The following DNAJC6 variants were observed in gnomAD, a reference collection of about 807,000 sequenced individuals.
The protein encoded by DNAJC6 is auxilin.
A neutral mutation model predicts 110.0 loss-of-function variants in DNAJC6; 34 were observed. That is an observed-to-expected ratio of 0.31 (90% confidence interval 0.24 to 0.41). DNAJC6 has a LOEUF of 0.41. DNAJC6 is among the 10% of genes least tolerant of loss of function. The pLI is 1.00. For missense variants in DNAJC6, 1,031 were observed against 1,207.8 expected (o/e 0.85, Z 2.17); for synonymous variants, 406 against 437.2 (o/e 0.93, Z 0.89).
intron 4 of DNAJC6, among the ~76,000 whole-genome samples, chr1:65,371,692 A>G (rs1220288701): frequency 2.0e-5 from 3 of 152,186 alleles, no homozygotes; most frequent in Non-Finnish European, 1.5e-5. Context: ...ATCCAGCTCT[A>G]GCGATGATTT....
chr1:65,351,351 G>A (rs1645488310), intron 1 of DNAJC6, among the ~76,000 whole-genome samples: 1 of 152,100 alleles, frequency 6.6e-6, no homozygotes, highest in East Asian at 1.9e-4. Flanking sequence ...GGTTGGAAGT[G>A]GAAATCAGGA....
intron 9 of DNAJC6, among the ~76,000 whole-genome samples, chr1:65,388,802 G>A (rs184552872): frequency 2.6e-5 from 4 of 152,310 alleles, no homozygotes; most frequent in Admixed American, 2.0e-4. Context: ...CTATAGCACT[G>A]AAGCAGGCTT....
intron 14 of DNAJC6, among the ~76,000 whole-genome samples, chr1:65,400,148 C>A (rs1646016960): frequency 6.6e-6 from 1 of 152,122 alleles, no homozygotes; most frequent in African/African-American, 2.4e-5. Context: ...CCACTGCACT[C>A]CAGCCTCGGT....
intron 1 of DNAJC6, among the ~76,000 whole-genome samples, chr1:65,299,996 C>T (rs1032512417): frequency 2.7e-5 from 4 of 146,322 alleles, no homozygotes; most frequent in South Asian, 2.2e-4. Context: ...GTCAAGATTG[C>T]GCCACTGCAC....
intron 1 of DNAJC6, among the ~76,000 whole-genome samples, chr1:65,314,001 A>G (rs1645126142): frequency 6.6e-6 from 1 of 152,224 alleles, no homozygotes; most frequent in South Asian, 2.1e-4. Flanking sequence ...GTGTTCCAAT[A>G]TTGGGCTTAA....
chr1:65,346,949 C>T (rs1645442453), intron 1 of DNAJC6, among the ~76,000 whole-genome samples: 1 of 152,126 alleles, frequency 6.6e-6, no homozygotes. Context: ...CAGACATACA[C>T]AGGCTGGAAA....
chr1:65,379,345 T>C, intron 4 of DNAJC6, 57 bp from the exon 5 acceptor site: 1 of 1,605,042 alleles, frequency 6.2e-7, no homozygotes, highest in African/African-American at 1.3e-5. Flanking sequence ...TGTGATAACC[T>C]GCTTATGAAG....
chr1:65,322,734 C>T (rs1645208297), intron 1 of DNAJC6, among the ~76,000 whole-genome samples: 1 of 152,176 alleles, frequency 6.6e-6, no homozygotes, highest in Non-Finnish European at 1.5e-5. Flanking sequence ...ATGAGACTAC[C>T]TGTTTTCCCA....
At chr1:65,405,831 C>T in intron 15 of DNAJC6, 39 bp from the exon 16 acceptor site, 1 of 1,549,612 alleles carries the variant, frequency 6.5e-7, no homozygotes, top group Non-Finnish European at 8.7e-7. Context: ...AGAGGCCACT[C>T]AAAATAGTTT....
chr1:65,291,374 T>G (rs568300807), intron 1 of DNAJC6, among the ~76,000 whole-genome samples: 2 of 152,344 alleles, frequency 1.3e-5, no homozygotes, highest in East Asian at 3.9e-4. Flanking sequence ...ATATTCATCA[T>G]GTGAAATTCT....
rs572657273 is a variant in DNAJC6 at position 65,350,526 on chromosome 1, A to G, written c.194-14109A>G. On this transcript the variant is annotated intron_variant, in intron 1 of 18. Transcript: ENST00000371069. ...ACTGCTCCTTTATATCTGTAGTTTTATTGTATGATAAACATTGTGATGATA... is the reference window on the plus strand; with the variant it reads ...ACTGCTCCTTTATATCTGTAGTTTTGTTGTATGATAAACATTGTGATGATA... 2.6e-5 allele frequency among the ~76,000 whole-genome samples: 4 copies of G among 152,166 alleles called. No homozygotes were observed. The South Asian group carries it at 8.3e-4, about 32-fold the overall frequency.
chr1:65,373,020 T>G (rs936956100), intron 4 of DNAJC6, among the ~76,000 whole-genome samples: 2 of 152,168 alleles, frequency 1.3e-5, no homozygotes, highest in Admixed American at 1.3e-4. Flanking sequence ...CTTCATGAGA[T>G]CCACATTTTT....
chr1:65,274,994 A>G (rs1653622292), intron 1 of DNAJC6, among the ~76,000 whole-genome samples: 2 of 152,224 alleles, frequency 1.3e-5, no homozygotes, highest in Admixed American at 6.5e-5. Flanking sequence ...TTAGGCGCTT[A>G]GAAGACTTTA....
intron 1 of DNAJC6, among the ~76,000 whole-genome samples, chr1:65,292,338 T>G (rs540089816): frequency 4.1e-4 from 63 of 151,880 alleles, no homozygotes; most frequent in African/African-American, 1.5e-3. Context: ...TTTTTGTTTT[T>G]TTTTTTTAAT....
chr1:65,391,566 G>A (rs190893096), intron 11 of DNAJC6, among the ~76,000 whole-genome samples: 37 of 152,220 alleles, frequency 2.4e-4, no homozygotes, highest in Middle Eastern at 3.4e-3. Flanking sequence ...TGTTAGAGAA[G>A]GGATTTGCTT....
chr1:65,415,482 A>C lies in DNAJC6; in HGVS notation c.*2457A>C, dbSNP rs1174314420. 4 of 151,670 alleles carry C rather than the reference A, an allele frequency of 2.6e-5. No individual in the cohort carries two copies. Among genetic ancestry groups the C allele is most frequent in the African/African-American group, 9.7e-5 (4 of 41,128 alleles). 9.4% of individuals were successfully genotyped at this position (151,670 alleles called of 1,614,324 possible). ...CACACACACACACACACACACACAC[A>C]CACATGCACGCACACATGATTTTGA... On this transcript the variant is annotated 3_prime_UTR_variant, in exon 19 of 19. Coordinates refer to ENST00000371069, the MANE Select transcript of DNAJC6 (RefSeq NM_001256864.2).
intron 4 of DNAJC6, among the ~76,000 whole-genome samples, chr1:65,376,206 G>T (rs1393845221): frequency 6.6e-6 from 1 of 151,978 alleles, no homozygotes; most frequent in Non-Finnish European, 1.5e-5. Context: ...TCTCTTATGA[G>T]TCTTTGTATT....
chr1:65,406,738 A>G (rs1646080654), intron 16 of DNAJC6, among the ~76,000 whole-genome samples: 1 of 152,164 alleles, frequency 6.6e-6, no homozygotes, highest in African/African-American at 2.4e-5. Context: ...GGATCTTGAC[A>G]ATGAATGAAA....
chr1:65,278,486 A>G (rs1222772678), intron 1 of DNAJC6, among the ~76,000 whole-genome samples: 1 of 152,230 alleles, frequency 6.6e-6, no homozygotes, highest in Non-Finnish European at 1.5e-5. Flanking sequence ...TGACTCTAGT[A>G]CTTGAAAATG....
Sources: gnomAD v4.1 joint callset for allele counts (sites outside exome capture counted in the v4.1 genomes callset) on GRCh38, gnomAD v4.1.1 for gene constraint, MANE v1.5 for transcripts, NCBI Gene and HGNC (gene_info 2026-07-23, HGNC 2026-07-21) for gene names.